Variants in CNIH3 observed in about 807,000 individuals in gnomAD.
CNIH3 encodes protein cornichon homolog 3.
Under a neutral mutation model 24.1 loss-of-function variants are expected in CNIH3, and 14 were observed. The ratio of observed to expected loss-of-function variants is 0.58; its 90% CI spans 0.38 to 0.91. CNIH3 has a LOEUF of 0.91. CNIH3 is among the 40% of genes least tolerant of loss of function. The probability of loss-of-function intolerance (pLI) is 0.00; values close to 1 mark genes in which losing one functional copy is unlikely to be tolerated. For missense variants in CNIH3, 178 were observed against 196.8 expected (o/e 0.90, Z 0.57); for synonymous variants, 68 against 73.8 (o/e 0.92, Z 0.40).
chr1:224,655,556 A>G (rs1685057990), intron 1 of CNIH3, among the ~76,000 whole-genome samples: 1 of 152,144 alleles, frequency 6.6e-6, no homozygotes, highest in East Asian at 1.9e-4. Context: ...TGGGCCTTCA[A>G]GCTATAGGGA....
chr1:224,452,604 ACC>A (rs1467263857), intron 1 of CNIH3, among the ~76,000 whole-genome samples: 2 of 148,802 alleles, frequency 1.3e-5, no homozygotes, highest in African/African-American at 2.5e-5. Flanking sequence ...ACACGGTGAA[ACC>A]CCGTCTCTAC....
rs140689930 is a variant in CNIH3, at chr1:224,435,240, C to G, written n.203+378C>G. ...TTCGACAGGCAGGAACTTCCAGGCA[C>G]AGGGCTGTGGTAGGCCCCTCTCAAT... On this transcript the variant is annotated intron_variant and non_coding_transcript_variant, in intron 1 of 5. Transcript: ENST00000471578. 758 of 983,664 alleles carry G rather than the reference C, an allele frequency of 7.7e-4. 5 individuals carry two copies. In the African/African-American group the frequency reaches 0.012, roughly 15 times the overall value. The allele number at this position is 983,664 out of a possible 1,614,324, so 60.9% of individuals were successfully genotyped here.
chr1:224,474,364 C>CA lies in CNIH3; in HGVS notation n.203+39519dup, dbSNP rs34695653. 2.6e-3 allele frequency among the ~76,000 whole-genome samples: 294 copies of CA among 111,684 alleles called. 1 individual carries two copies. The highest frequency in any genetic ancestry group is 8.8e-3 in the African/African-American group (210 of 23,960). The allele number at this position is 111,684 out of a possible 152,430, so 73.3% of individuals were successfully genotyped here. On this transcript the variant is annotated intron_variant and non_coding_transcript_variant, in intron 1 of 5. Coordinates refer to the CNIH3 transcript ENST00000471578. The stretch of plus-strand genomic sequence containing the variant: ...GGGCAGCAAGAGCAAAACTTCGCCT[C>CA]AAAAAAAAAAAAAAAAAGTTTTTCA...
At chr1:224,527,122 A>G (rs1678878436) in intron 2 of CNIH3, among the ~76,000 whole-genome samples, 1 of 152,106 alleles carries the variant, frequency 6.6e-6, no homozygotes, top group African/African-American at 2.4e-5. Flanking sequence ...AAAAAACTTG[A>G]TGAGCGTGAG....
At chr1:224,491,946 T>A (rs542994778) in intron 1 of CNIH3, among the ~76,000 whole-genome samples, 5 of 152,240 alleles carry the variant, frequency 3.3e-5, no homozygotes, top group Admixed American at 3.3e-4. Context: ...AGAGACAAGA[T>A]CTTGCTATAT....
chr1:224,444,330 A>T (rs1244636321), intron 1 of CNIH3, among the ~76,000 whole-genome samples: 1 of 152,136 alleles, frequency 6.6e-6, no homozygotes, highest in Non-Finnish European at 1.5e-5. Flanking sequence ...AGCAGGATCT[A>T]AAAAAGGCCC....
chr1:224,536,752 G>C lies in CNIH3; in HGVS notation n.344-184G>C, dbSNP rs994246180. Among the ~76,000 whole-genome samples the C allele has an allele frequency of 2.6e-5, 4 of 152,138 alleles. No individual in the cohort carries two copies. In the East Asian group the frequency reaches 7.7e-4, roughly 29 times the overall value. On this transcript the variant is annotated intron_variant and non_coding_transcript_variant, in intron 2 of 2. Coordinates refer to the CNIH3 transcript ENST00000470602. ...TTGTCCAAAGAAAGACACTGTCTAGGGACAAAGTTAGAAAGAAAGAATCAT... is the reference window on the plus strand; with the variant it reads ...TTGTCCAAAGAAAGACACTGTCTAGCGACAAAGTTAGAAAGAAAGAATCAT...
At chr1:224,561,577 C>T (rs140491996) in intron 3 of CNIH3, among the ~76,000 whole-genome samples, 1 of 152,138 alleles carries the variant, frequency 6.6e-6, no homozygotes, top group Non-Finnish European at 1.5e-5. Flanking sequence ...GTGGCCTCTT[C>T]TAATGGGAAC....
chr1:224,516,738 C>G (rs571958609), intron 1 of CNIH3, among the ~76,000 whole-genome samples: 1 of 152,378 alleles, frequency 6.6e-6, no homozygotes, highest in East Asian at 1.9e-4. Context: ...ATGGACAGAA[C>G]AGCGCTGAAC....
At chr1:224,510,701 T>TAGGC (rs1211064436) in intron 1 of CNIH3, among the ~76,000 whole-genome samples, 2 of 151,606 alleles carry the variant, frequency 1.3e-5, no homozygotes, top group African/African-American at 4.9e-5. Context: ...GGGGCTCAGG[T>TAGGC]AGGCAGGTAA....
chr1:224,480,845 C>A (rs1449456143), intron 1 of CNIH3, among the ~76,000 whole-genome samples: 1 of 152,238 alleles, frequency 6.6e-6, no homozygotes, highest in Non-Finnish European at 1.5e-5. Flanking sequence ...ATTTTCCTGT[C>A]TTCTGAGACC....
At chr1:224,738,522 C>T (rs1336419743) in intron 5 of CNIH3, among the ~76,000 whole-genome samples, 2 of 152,170 alleles carry the variant, frequency 1.3e-5, no homozygotes, top group African/African-American at 4.8e-5. Context: ...AGAAGTCAAA[C>T]CTTTTCATTT....
At chr1:224,476,656 C>T (rs982111685) in intron 1 of CNIH3, among the ~76,000 whole-genome samples, 4 of 152,006 alleles carry the variant, frequency 2.6e-5, no homozygotes, top group African/African-American at 9.7e-5. Flanking sequence ...CTGAAGAAGA[C>T]ACCAAAAACT....
chr1:224,589,378 G>C (rs1044802023), downstream of CNIH3, among the ~76,000 whole-genome samples: 3 of 152,160 alleles, frequency 2.0e-5, no homozygotes, highest in African/African-American at 4.8e-5. Flanking sequence ...CAAAATAATG[G>C]TTTAGTCTTC....
chr1:224,581,171 T>C (rs1181923963), intron 4 of CNIH3, among the ~76,000 whole-genome samples: 1 of 152,204 alleles, frequency 6.6e-6, no homozygotes, highest in Non-Finnish European at 1.5e-5. Context: ...TTATTTTCCT[T>C]TCATACCATG....
At chr1:224,502,574 G>A (rs975046723) in intron 1 of CNIH3, among the ~76,000 whole-genome samples, 5 of 152,194 alleles carry the variant, frequency 3.3e-5, no homozygotes, top group Admixed American at 6.5e-5. Flanking sequence ...AACCTGCAGC[G>A]TGGGGAGGTG....
intron 3 of CNIH3, among the ~76,000 whole-genome samples, chr1:224,601,099 A>G (rs1187194189): frequency 3.3e-5 from 5 of 152,228 alleles, no homozygotes; most frequent in African/African-American, 1.2e-4. Context: ...CAGGAATGAA[A>G]GTAAAGTACA....
chr1:224,557,720 G>C (rs1419147802), intron 3 of CNIH3, among the ~76,000 whole-genome samples: 1 of 152,158 alleles, frequency 6.6e-6, no homozygotes, highest in Non-Finnish European at 1.5e-5. Context: ...GCCTCCCAAA[G>C]TGCTGGGATT....
chr1:224,512,140 A>AC (rs1230847572), upstream of CNIH3, among the ~76,000 whole-genome samples: 1 of 148,774 alleles, frequency 6.7e-6, no homozygotes, highest in African/African-American at 2.5e-5. Context: ...GTGCCATTGC[A>AC]CTCCAGCCTG....
Sources: allele counts gnomAD v4.1 joint callset (sites outside exome capture counted in the v4.1 genomes callset), GRCh38; gene constraint gnomAD v4.1.1; transcripts MANE v1.5; gene names NCBI Gene and HGNC (gene_info 2026-07-23, HGNC 2026-07-21).